CENPC: variants seen among roughly 807,000 people sequenced by gnomAD.
The protein encoded by CENPC is centromere protein C, also known as CENP-C 1.
Under a neutral mutation model 112.1 loss-of-function variants are expected in CENPC, and 63 were observed. The observed-to-expected ratio is 0.56, with a 90% CI of 0.46 to 0.69. CENPC has a LOEUF of 0.69. Among genes scored for constraint, CENPC ranks in the 30% least tolerant of loss-of-function variants. The pLI is 0.00. For synonymous variants in CENPC, 333 were observed against 367.6 expected, an observed-to-expected ratio of 0.91 and a Z score of 1.08; for missense variants, 1,000 against 1,103.8, an observed-to-expected ratio of 0.91 and a Z score of 1.33.
In CENPC at chr4:67,541,431, C is replaced by A. The variant is rs192762835; in HGVS notation, c.66-381G>T. On this transcript the variant is annotated intron_variant, in intron 2 of 18. Coordinates refer to ENST00000273853, the MANE Select transcript of CENPC (RefSeq NM_001812.4). ...AGTAACATATTCCTCCCTATAAATT[C>A]TCAAATGCATTTCTAATTCAGTATC... is the stretch of plus-strand genomic sequence containing the variant. Among the ~76,000 whole-genome samples, 1,018 of 152,178 alleles carry A rather than the reference C, an allele frequency of 6.7e-3. 4 individuals are homozygous for A. The highest frequency in any genetic ancestry group is 0.011 in the Non-Finnish European group (752 of 67,990).
rs1725810626 is a variant in CENPC at position 67,508,885 on chromosome 4, T to C, written c.1833A>G (p.Arg611=). The C allele has an allele frequency of 6.2e-7, 1 of 1,613,624 alleles. No homozygotes were observed. The highest frequency in any genetic ancestry group is 8.5e-7 in the Non-Finnish European group (1 of 1,179,720). Residue 611 remains arginine, a synonymous_variant, in exon 10 of 19, where the codon AGA becomes AGG. Transcript: ENST00000273853. ...TTTCCAATGGCTCACTCAGCGAACA[T>C]CTGGAAATTTCATCATGACCAACGA... is the stretch of plus-strand genomic sequence containing the variant. The part of the protein sequence containing the change: ...GGIVGHDEIS[R]CSLSEPLESD...
chr4:67,491,242 C>T (rs552330006), intron 16 of CENPC, among the ~76,000 whole-genome samples: 2 of 149,470 alleles, frequency 1.3e-5, no homozygotes, highest in South Asian at 2.1e-4. Flanking sequence ...GGCATGATCT[C>T]GGCTCACTGC....
intron 4 of CENPC, among the ~76,000 whole-genome samples, chr4:67,538,594 A>C (rs893797237): frequency 2.6e-5 from 4 of 152,240 alleles, no homozygotes; most frequent in African/African-American, 9.6e-5. Context: ...CAAAGTGGTT[A>C]GAATTTGCAG....
rs199558771 is a variant in CENPC, at chr4:67,525,360, CAA to C, written c.331+5453_331+5454del. On this transcript the variant is annotated intron_variant, in intron 5 of 18. Coordinates refer to ENST00000273853, the MANE Select transcript of CENPC (RefSeq NM_001812.4). The stretch of plus-strand genomic sequence containing the variant: ...ATTAAATGAAAGAGCTTCTGCTCAG[CAA>C]AAGAGTGAACAGGCAACCTACAGAA... 6.3e-3 allele frequency among the ~76,000 whole-genome samples: 959 copies of C among 152,242 alleles called. 11 individuals are homozygous for C. The highest frequency in any genetic ancestry group is 0.022 in the African/African-American group (928 of 41,546).
intron 17 of CENPC, among the ~76,000 whole-genome samples, chr4:67,477,352 G>T (rs1724833200): frequency 6.6e-6 from 1 of 152,192 alleles, no homozygotes; most frequent in Admixed American, 6.5e-5. Context: ...ATGGCTGAGA[G>T]ACCTGAAGAC....
intron 4 of CENPC, among the ~76,000 whole-genome samples, chr4:67,535,639 A>G (rs1190503647): frequency 6.6e-6 from 1 of 152,186 alleles, no homozygotes; most frequent in African/African-American, 2.4e-5. Context: ...TTTAACCATT[A>G]GTACTCTACA....
At chr4:67,488,236 A>C (rs1337293646) in intron 17 of CENPC, among the ~76,000 whole-genome samples, 1 of 149,266 alleles carries the variant, frequency 6.7e-6, no homozygotes, top group Non-Finnish European at 1.5e-5. Context: ...AAAATGCTCA[A>C]ACTAATTTTA....
Position 67,493,759 on chromosome 4 carries a change from C to T in CENPC, c.2290+125G>A, listed in dbSNP as rs145516100. ...TAATCAGACAAAAATGAATTTAAATCCTATTATCAAAATTTGGGGGGGTGA... is the reference window on the plus strand; with the variant it reads ...TAATCAGACAAAAATGAATTTAAATTCTATTATCAAAATTTGGGGGGGTGA... On this transcript the variant is annotated intron_variant, in intron 14 of 18. Coordinates refer to ENST00000273853, the MANE Select transcript of CENPC (RefSeq NM_001812.4). 4.8e-4 allele frequency: 282 copies of T among 582,912 alleles called. 3 individuals are homozygous for T. Among genetic ancestry groups the T allele is most frequent in the African/African-American group, 4.6e-3 (243 of 53,168 alleles). The allele number at this position is 582,912 out of a possible 1,614,324, so 36.1% of individuals were successfully genotyped here.
chr4:67,519,172 G>A, intron 6 of CENPC, 45 bp downstream of exon 6: 2 of 1,401,490 alleles, frequency 1.4e-6, no homozygotes, highest in African/African-American at 1.4e-5. Context: ...AATACAAAAA[G>A]TAAAATTTTT....
chr4:67,497,181 C>T (rs1465785998), intron 12 of CENPC, among the ~76,000 whole-genome samples: 1 of 151,866 alleles, frequency 6.6e-6, no homozygotes, highest in Non-Finnish European at 1.5e-5. Context: ...AGTTCGAGAC[C>T]AGCCTTACCA....
rs1336650833 is a variant in CENPC at position 67,470,754 on chromosome 4, C to T, written c.*1851G>A. 5 of 152,040 alleles carry T rather than the reference C, an allele frequency of 3.3e-5. No homozygotes were observed. The South Asian group carries it at 6.2e-4, about 19-fold the overall frequency. The allele number at this position is 152,040 out of a possible 1,614,324, so 9.4% of individuals were successfully genotyped here. A position where few individuals can be genotyped will look rare whatever the true frequency, so the allele number is the denominator to read the frequency against. On this transcript the variant is annotated 3_prime_UTR_variant, in exon 19 of 19. Coordinates refer to ENST00000273853, the MANE Select transcript of CENPC (RefSeq NM_001812.4). ...CTAACTGAAAAACTAGCAACTTTGCCGTAAGAGGAGTCTTGATTTACAGCA... is the reference window on the plus strand; with the variant it reads ...CTAACTGAAAAACTAGCAACTTTGCTGTAAGAGGAGTCTTGATTTACAGCA...
intron 5 of CENPC, among the ~76,000 whole-genome samples, chr4:67,523,860 T>C (rs532579027): frequency 5.3e-5 from 8 of 151,968 alleles, no homozygotes; most frequent in African/African-American, 1.4e-4. Context: ...CTAAAAGGTA[T>C]GAAAGTGCTC....
At chr4:67,537,952 C>A (rs754905571) in intron 4 of CENPC, among the ~76,000 whole-genome samples, 4 of 151,950 alleles carry the variant, frequency 2.6e-5, no homozygotes, top group Non-Finnish European at 5.9e-5. Flanking sequence ...TCATGGCACT[C>A]CATCCTGGGC....
In CENPC at chr4:67,506,812, T is replaced by C. The variant is rs1457831160; in HGVS notation, c.2027A>G (p.His676Arg). ...PTESNLDSGE[H>R]KTSVLEESGP... ...CCTTTCCTCTAAAACTGAAGTCTTA[T>C]GCTCTCCAGAATCCAAGTTTGACTC... The change falls in exon 11 of 19, where the codon CAT (histidine) becomes CGT (arginine). Residue 676 changes from histidine to arginine, a missense_variant. By Grantham distance (29) the His-to-Arg change is conservative. Coordinates refer to ENST00000273853, the MANE Select transcript of CENPC (RefSeq NM_001812.4). The C allele has an allele frequency of 1.9e-6, 3 of 1,607,702 alleles. No homozygotes were observed. In the East Asian group the frequency reaches 6.7e-5, roughly 36 times the overall value.
intron 17 of CENPC, among the ~76,000 whole-genome samples, chr4:67,484,228 T>A (rs1012918207): frequency 2.6e-5 from 4 of 152,218 alleles, no homozygotes; most frequent in African/African-American, 9.6e-5. Context: ...CTGTACAGGT[T>A]TGAAGTACAG....
At chr4:67,540,938 A>T (rs1726868654) in intron 3 of CENPC, 42 bp downstream of exon 3, 1 of 1,286,204 alleles carries the variant, frequency 7.8e-7, no homozygotes, top group East Asian at 2.4e-5. Context: ...TCATATTTTC[A>T]TCCATCTAAC....
intron 11 of CENPC, among the ~76,000 whole-genome samples, chr4:67,506,274 C>T (rs1400280772): frequency 6.6e-6 from 1 of 152,108 alleles, no homozygotes; most frequent in Non-Finnish European, 1.5e-5. Flanking sequence ...CTAATTCCAC[C>T]TCTCCCTGAA....
intron 2 of CENPC, among the ~76,000 whole-genome samples, 198 bp downstream of exon 2, chr4:67,543,951 G>A (rs920695903): frequency 6.6e-6 from 1 of 152,212 alleles, no homozygotes; most frequent in African/African-American, 2.4e-5. Context: ...ATTTTATCAG[G>A]TGAATTTCTT....
intron 12 of CENPC, chr4:67,504,994 A>G (rs1419991197): frequency 1.9e-6 from 1 of 537,276 alleles, no homozygotes; most frequent in African/African-American, 2.0e-5. Flanking sequence ...TTAAGTGCCA[A>G]TATTTCATTA....
Sources: allele counts gnomAD v4.1 joint callset (sites outside exome capture counted in the v4.1 genomes callset), GRCh38; gene constraint gnomAD v4.1.1; transcripts MANE v1.5; gene names NCBI Gene and HGNC (gene_info 2026-07-23, HGNC 2026-07-21).